VEGFD: variants seen among roughly 807,000 people sequenced by gnomAD.
VEGFD encodes the protein vascular endothelial growth factor D.
Under a neutral mutation model 28.0 loss-of-function variants are expected in VEGFD, and 26 were observed. The observed-to-expected ratio is 0.93, with a 90% CI of 0.68 to 1.29. VEGFD has a LOEUF of 1.29. VEGFD is among the 50% of genes most tolerant of loss of function. VEGFD has a pLI of 0.00. For synonymous variants in VEGFD, 93 were observed against 95.5 expected, an observed-to-expected ratio of 0.97 and a Z score of 0.15; for missense variants, 294 against 273.4, an observed-to-expected ratio of 1.08 and a Z score of -0.53.
intron 1 of VEGFD, among the ~76,000 whole-genome samples, chrX:15,372,340 G>A (rs1304504778): frequency 1.8e-5 from 2 of 110,999 alleles, no homozygotes; most frequent in Non-Finnish European, 3.8e-5. Flanking sequence ...GTGGTTATGC[G>A]TTCTCCATCT....
intron 1 of VEGFD, among the ~76,000 whole-genome samples, chrX:15,380,498 G>C (rs940036655): frequency 8.9e-6 from 1 of 112,193 alleles, no homozygotes; most frequent in African/African-American, 3.2e-5. Context: ...AAAGAGGGTG[G>C]ATAAAAAAAG....
At chrX:15,346,290 C>G (rs1569182425) in intron 6 of VEGFD, 31 bp from the exon 7 acceptor site, 5 of 1,192,662 alleles carry the variant, frequency 4.2e-6, no homozygotes, top group Non-Finnish European at 5.7e-6. Flanking sequence ...GATGAGAATT[C>G]AGAATCAATG....
intron 1 of VEGFD, among the ~76,000 whole-genome samples, chrX:15,370,961 CCTCT>C (rs1046034280): frequency 4.6e-4 from 51 of 110,124 alleles, no homozygotes; most frequent in African/African-American, 1.6e-3. Flanking sequence ...CAGCTGAGGG[CCTCT>C]CTCTTTCTCT....
chrX:15,363,949 G>A (rs1923082880), intron 1 of VEGFD, among the ~76,000 whole-genome samples: 1 of 112,341 alleles, frequency 8.9e-6, no homozygotes, highest in Admixed American at 9.4e-5. Flanking sequence ...CTCTGGAGCT[G>A]TGAGAAAATA....
chrX:15,349,819 A>G (rs1291065314), intron 5 of VEGFD, among the ~76,000 whole-genome samples: 4 of 111,758 alleles, frequency 3.6e-5, no homozygotes, highest in Non-Finnish European at 7.5e-5. Context: ...AAAAAAGTAT[A>G]GTGAGCAGTA....
chrX:15,368,035 G>GAAAGA (rs778478507), intron 1 of VEGFD, among the ~76,000 whole-genome samples: 1 of 37,420 alleles, frequency 2.7e-5, no homozygotes, highest in African/African-American at 1.1e-4. Flanking sequence ...AGAAAGGAAA[G>GAAAGA]AAGAAAGAAA....
At chrX:15,352,419 C>T (rs1163714125) in intron 5 of VEGFD, among the ~76,000 whole-genome samples, 2 of 110,077 alleles carry the variant, frequency 1.8e-5, no homozygotes, top group East Asian at 5.7e-4. Context: ...CACAGAATTA[C>T]GGATTATGAG....
At chrX:15,383,687 AAGAC>A (rs1923643890) in intron 1 of VEGFD, among the ~76,000 whole-genome samples, 166 bp downstream of exon 1, 1 of 112,248 alleles carries the variant, frequency 8.9e-6, no homozygotes, top group Non-Finnish European at 1.9e-5. Flanking sequence ...GAAGTTTAAT[AAGAC>A]TAAGAAACAG....
intron 2 of VEGFD, among the ~76,000 whole-genome samples, chrX:15,361,849 T>C: frequency 9.1e-6 from 1 of 109,327 alleles, no homozygotes; most frequent in Non-Finnish European, 1.9e-5. Context: ...TCTTTCTTTG[T>C]TTTTTTGTTT....
At chrX:15,377,595 T>G (rs1188226790) in intron 1 of VEGFD, among the ~76,000 whole-genome samples, 1 of 112,458 alleles carries the variant, frequency 8.9e-6, no homozygotes, top group Non-Finnish European at 1.9e-5. Context: ...GAACTCACCA[T>G]GTGTCACAGT....
At chrX:15,372,002 C>T (rs183484996) in intron 1 of VEGFD, among the ~76,000 whole-genome samples, 14 of 111,578 alleles carry the variant, frequency 1.3e-4, no homozygotes, top group East Asian at 2.8e-4. Context: ...TTGTGTTGAA[C>T]GAAAACATCG....
chrX:15,374,272 T>A (rs928718993), intron 1 of VEGFD, among the ~76,000 whole-genome samples: 6 of 112,285 alleles, frequency 5.3e-5, no homozygotes, highest in Non-Finnish European at 1.1e-4. Context: ...TACATGTACA[T>A]GAATGTTTGT....
At chrX:15,377,657 G>A (rs181423114) in intron 1 of VEGFD, among the ~76,000 whole-genome samples, 418 of 112,084 alleles carry the variant, frequency 3.7e-3, no homozygotes, top group African/African-American at 0.012. Context: ...TGAGCGCATG[G>A]TGGGATTGCA....
intron 5 of VEGFD, among the ~76,000 whole-genome samples, chrX:15,351,138 C>T (rs1482059751): frequency 9.4e-5 from 8 of 85,214 alleles, no homozygotes; most frequent in African/African-American, 3.5e-4. Flanking sequence ...TTTTTTGAGA[C>T]GGAGTCTCGC....
At chrX:15,351,511 G>C (rs1443615351) in intron 5 of VEGFD, among the ~76,000 whole-genome samples, 1 of 111,352 alleles carries the variant, frequency 9.0e-6, no homozygotes, top group Non-Finnish European at 1.9e-5. Flanking sequence ...CACCATTCCC[G>C]GCCAACCCCA....
intron 2 of VEGFD, among the ~76,000 whole-genome samples, chrX:15,359,372 T>C (rs1922949369): frequency 9.7e-6 from 1 of 102,713 alleles, no homozygotes; most frequent in South Asian, 4.7e-4. Flanking sequence ...CTTTTTTTTT[T>C]TTTTTTTTTT....
At chrX:15,363,340 A>C (rs1197772029) in intron 1 of VEGFD, 21 bp from the exon 2 acceptor site, 1 of 1,158,228 alleles carries the variant, frequency 8.6e-7, no homozygotes, top group African/African-American at 1.8e-5. Flanking sequence ...CAAAAATACC[A>C]GTTTAAAAAC....
At chrX:15,366,600 G>A (rs1326853119) in intron 1 of VEGFD, among the ~76,000 whole-genome samples, 2 of 111,690 alleles carry the variant, frequency 1.8e-5, no homozygotes, top group Non-Finnish European at 3.8e-5. Flanking sequence ...TCCTGAATCC[G>A]AATCTTGTTG....
intron 1 of VEGFD, among the ~76,000 whole-genome samples, chrX:15,381,999 A>G (rs1410279121): frequency 1.5e-5 from 1 of 67,398 alleles, no homozygotes; most frequent in Non-Finnish European, 2.7e-5. Flanking sequence ...AAATTTATAT[A>G]TTAACAGTAC....
Sources: gnomAD v4.1 joint callset for allele counts (sites outside exome capture counted in the v4.1 genomes callset) on GRCh38, gnomAD v4.1.1 for gene constraint, MANE v1.5 for transcripts, NCBI Gene and HGNC (gene_info 2026-07-23, HGNC 2026-07-21) for gene names.